The following SMAD7 variants were observed in gnomAD, a reference collection of about 807,000 sequenced individuals.
SMAD7 encodes SMAD family member 7.
SMAD7 carries 8 observed loss-of-function variants against 38.7 expected under a neutral mutation model. That is an observed-to-expected ratio of 0.21 (90% CI 0.12 to 0.37). The LOEUF is 0.37. Ranked by LOEUF, SMAD7 falls within the 10% of genes least tolerant of loss-of-function variation. The probability of loss-of-function intolerance (pLI) is 1.00; values close to 1 mark genes in which losing one functional copy is unlikely to be tolerated. For missense variants in SMAD7, 477 were observed against 577.9 expected (o/e 0.83, Z 1.79); for synonymous variants, 327 against 265.1 (o/e 1.23, Z -2.27).
chr18:48,926,525 T>TC (rs1380048261), intron 3 of SMAD7, among the ~76,000 whole-genome samples: 2 of 152,184 alleles, frequency 1.3e-5, no homozygotes, highest in African/African-American at 4.8e-5. Flanking sequence ...ATCAGCCCCC[T>TC]CCTCCATGGT....
chr18:48,928,813 T>TGAATGCTC (rs2064351758), intron 3 of SMAD7, among the ~76,000 whole-genome samples: 1 of 152,156 alleles, frequency 6.6e-6, no homozygotes, highest in East Asian at 1.9e-4. Flanking sequence ...AACCTGGGGA[T>TGAATGCTC]GAATGCTCCT....
At chr18:48,935,748 G>A (rs1457188858) in intron 3 of SMAD7, among the ~76,000 whole-genome samples, 5 of 152,148 alleles carry the variant, frequency 3.3e-5, no homozygotes, top group Admixed American at 6.5e-5. Context: ...AAGGAAGGTC[G>A]AAGGATCAGC....
At chr18:48,948,461 A>T in intron 1 of SMAD7, 24 bp from the exon 2 acceptor site, 1 of 1,526,808 alleles carries the variant, frequency 6.5e-7, no homozygotes, top group Non-Finnish European at 9.0e-7. Context: ...AGCAAGAGAA[A>T]ATAAAGGCCC....
chr18:48,950,360 TCGC>T lies in SMAD7; in HGVS notation c.62_64del (p.Gly21del), dbSNP rs1228326779. The T allele has an allele frequency of 6.5e-7, 1 of 1,541,036 alleles. No homozygotes were observed. The highest frequency in any genetic ancestry group is 1.2e-5 in the South Asian group (1 of 83,364). ...TCCCCCTGCGCCCTCCTCCTCGTCC[TCGC>T]CGCCGGGCGCACGGCTCCTCCAGAG... On this transcript the variant is annotated inframe_deletion, in exon 1 of 4. Transcript: ENST00000262158.
At chr18:48,936,602 C>T (rs966334287) in intron 3 of SMAD7, among the ~76,000 whole-genome samples, 4 of 152,174 alleles carry the variant, frequency 2.6e-5, no homozygotes, top group African/African-American at 9.7e-5. Flanking sequence ...AGCTGAATCC[C>T]GAGGGATTTT....
chr18:48,925,903 C>T (rs926751182), intron 3 of SMAD7, among the ~76,000 whole-genome samples: 8 of 152,254 alleles, frequency 5.3e-5, no homozygotes, highest in South Asian at 2.1e-4. Context: ...CCCGCCACCA[C>T]GCCTGGCTAA....
In SMAD7 at chr18:48,948,385, A is replaced by G. The variant is rs1330217925; in HGVS notation, c.666T>C (p.Thr222=). 6.3e-7 allele frequency: 1 copy of G among 1,590,316 alleles called. No individual in the cohort carries two copies. Among genetic ancestry groups the G allele is most frequent in the East Asian group, 2.3e-5 (1 of 44,232 alleles). ...ATATTTTAAAAATCATCTACTCACCAGTTGGTTTGAGAAAATCCATCGGGT... is the reference window on the plus strand; with the variant it reads ...ATATTTTAAAAATCATCTACTCACCGGTTGGTTTGAGAAAATCCATCGGGT... ...SRYPMDFLKP[T]ADCPDAVPSS... The change falls in exon 2 of 4, where the codon ACT becomes ACC. Residue 222 remains threonine, a splice_region_variant and synonymous_variant. Coordinates refer to ENST00000262158, the MANE Select transcript of SMAD7 (RefSeq NM_005904.4).
chr18:48,930,982 T>TA (rs368062900), intron 3 of SMAD7, among the ~76,000 whole-genome samples: 125 of 152,256 alleles, frequency 8.2e-4, no homozygotes, highest in African/African-American at 2.9e-3. Flanking sequence ...TATTCAGCCT[T>TA]AAAAAAGAAG....
At position 48,950,175 on chromosome 18, in the gene SMAD7, C is replaced by A; in HGVS notation, c.250G>T (p.Ala84Ser). The A allele has an allele frequency of 6.7e-7, 1 of 1,482,846 alleles. No homozygotes were observed. The highest frequency in any genetic ancestry group is 1.3e-5 in the South Asian group (1 of 77,936). 91.9% of individuals were successfully genotyped at this position (1,482,846 alleles called of 1,614,324 possible). ...AGATCCGCCTCGGCGCCCCCGGCCG[C>A]GCCGGCGCCCGCGGCTGGCGGGTGG... ...HPHPPAAGAGAAGGAEADLKA... is the reference protein window; with the variant it reads ...HPHPPAAGAGSAGGAEADLKA... The change falls in exon 1 of 4, where the codon GCG (alanine) becomes TCG (serine). Residue 84 changes from alanine (A) to serine (S), a missense_variant. Around this residue, in one of 2 missense-constraint regions of SMAD7, gnomAD observed 376 missense variants for 379.4 expected, o/e 0.99. Coordinates refer to ENST00000262158, the MANE Select transcript of SMAD7 (RefSeq NM_005904.4).
intron 3 of SMAD7, among the ~76,000 whole-genome samples, chr18:48,923,141 G>C (rs2143754571): frequency 6.6e-6 from 1 of 152,310 alleles, no homozygotes; most frequent in Middle Eastern, 3.4e-3. Flanking sequence ...AATGGGGACA[G>C]CAGAGGGGGA....
At chr18:48,926,538 A>G (rs1470581870) in intron 3 of SMAD7, among the ~76,000 whole-genome samples, 1 of 152,246 alleles carries the variant, frequency 6.6e-6, no homozygotes, top group Non-Finnish European at 1.5e-5. Flanking sequence ...TCCATGGTCC[A>G]GCAGAGCAGA....
At chr18:48,942,820 T>A in intron 2 of SMAD7, 1 of 1,278,996 alleles carries the variant, frequency 7.8e-7, no homozygotes, top group Non-Finnish European at 9.9e-7. Flanking sequence ...CTGGAATTTC[T>A]CTTGCATTAC....
chr18:48,948,203 CA>C (rs1446388162), intron 2 of SMAD7, among the ~76,000 whole-genome samples, 180 bp downstream of exon 2: 1 of 152,230 alleles, frequency 6.6e-6, no homozygotes, highest in East Asian at 1.9e-4. Context: ...AACGTCTTTG[CA>C]AAAACAGCAA....
In SMAD7 at chr18:48,950,456, T is replaced by C; in HGVS notation, c.-32A>G. The C allele has an allele frequency of 6.5e-7, 1 of 1,538,178 alleles. No homozygotes were observed. Among genetic ancestry groups the C allele is most frequent in the Non-Finnish European group, 8.7e-7 (1 of 1,144,214 alleles). ...CGAGGAGGCGAGGAGAAAAGTCGTT[T>C]GCCTGCTAAGGAGCGAACATGACCT... On this transcript the variant is annotated 5_prime_UTR_variant, in exon 1 of 4. Coordinates refer to ENST00000262158, the MANE Select transcript of SMAD7 (RefSeq NM_005904.4).
intron 2 of SMAD7, among the ~76,000 whole-genome samples, chr18:48,945,914 A>T (rs548733884): frequency 6.6e-6 from 1 of 152,124 alleles, no homozygotes; most frequent in Non-Finnish European, 1.5e-5. Context: ...TCTGACAGCC[A>T]CAAGTCACAA....
rs554813153 is a variant in SMAD7, at chr18:48,941,561, C to T, written c.742+920G>A. The stretch of plus-strand genomic sequence containing the variant: ...ACAGCTTCTATTCGAGCTGCTACCA[C>T]GTGATCCTACAGGCAAGGAAATGCC... On this transcript the variant is annotated intron_variant, in intron 3 of 3. Transcript: ENST00000262158. Among the ~76,000 whole-genome samples, 41 of 152,304 alleles carry T rather than the reference C, an allele frequency of 2.7e-4. 2 individuals carry two copies. The highest frequency in any genetic ancestry group is 9.6e-4 in the African/African-American group (40 of 41,562).
At chr18:48,923,524 C>T (rs1026378790) in intron 3 of SMAD7, among the ~76,000 whole-genome samples, 2 of 152,050 alleles carry the variant, frequency 1.3e-5, no homozygotes, top group African/African-American at 2.4e-5. Flanking sequence ...TGGAGGTGCC[C>T]GTCAGTAAGG....
chr18:48,924,613 G>A (rs1441017865), intron 3 of SMAD7, among the ~76,000 whole-genome samples: 1 of 152,174 alleles, frequency 6.6e-6, no homozygotes, highest in Non-Finnish European at 1.5e-5. Context: ...GCAATGCATG[G>A]ATGTCGTGAA....
intron 3 of SMAD7, among the ~76,000 whole-genome samples, chr18:48,924,113 A>T (rs1239380565): frequency 2.0e-5 from 3 of 151,434 alleles, no homozygotes; most frequent in African/African-American, 7.3e-5. Flanking sequence ...TTTGGTGTGG[A>T]GGAGGGTGTT....
Sources: allele counts gnomAD v4.1 joint callset (sites outside exome capture counted in the v4.1 genomes callset), GRCh38; gene constraint gnomAD v4.1.1; regional missense constraint gnomAD v4.1.1; transcripts MANE v1.5; gene names NCBI Gene and HGNC (gene_info 2026-07-23, HGNC 2026-07-21).